RBFOX1: variants seen among roughly 807,000 people sequenced by gnomAD.
RBFOX1 encodes RNA binding fox-1 homolog 1.
A neutral mutation model predicts 57.7 loss-of-function variants in RBFOX1; 8 were observed. That is an observed-to-expected ratio of 0.14 (90% CI 0.08 to 0.25). The LOEUF (loss-of-function observed/expected upper bound fraction) is 0.25. RBFOX1 is among the 10% of genes least tolerant of loss of function. RBFOX1 has a pLI of 1.00. For synonymous variants in RBFOX1, 326 were observed against 222.4 expected (o/e 1.47, Z -4.15); for missense variants, 611 against 548.5 (o/e 1.11, Z -1.14).
chr16:7,213,575 C>G (rs756854467), intron 4 of RBFOX1, among the ~76,000 whole-genome samples: 5 of 151,074 alleles, frequency 3.3e-5, no homozygotes, highest in South Asian at 2.1e-4. Flanking sequence ...AAAACACAAA[C>G]AAGGTGGGAA....
intron 3 of RBFOX1, among the ~76,000 whole-genome samples, chr16:6,805,007 T>G (rs1467477650): frequency 6.6e-6 from 1 of 152,202 alleles, no homozygotes; most frequent in Non-Finnish European, 1.5e-5. Context: ...ATCTGAAAAC[T>G]GAATACCATT....
intron 3 of RBFOX1, among the ~76,000 whole-genome samples, chr16:5,633,949 C>T (rs1347101417): frequency 2.0e-5 from 3 of 152,134 alleles, no homozygotes; most frequent in South Asian, 2.1e-4. Flanking sequence ...CTCAACATCC[C>T]TAATTATCAC....
intron 2 of RBFOX1, among the ~76,000 whole-genome samples, chr16:6,337,458 G>A (rs550562966): frequency 6.6e-6 from 1 of 152,188 alleles, no homozygotes; most frequent in African/African-American, 2.4e-5. Flanking sequence ...ACGAGAATAC[G>A]AATATATGTT....
intron 3 of RBFOX1, among the ~76,000 whole-genome samples, chr16:6,839,244 CA>C (rs2093323034): frequency 6.6e-6 from 1 of 152,138 alleles, no homozygotes; most frequent in African/African-American, 2.4e-5. Flanking sequence ...CTCAGCCCCC[CA>C]AAGTGCTGGG....
At chr16:6,637,354 AT>A (rs371322377) in intron 2 of RBFOX1, among the ~76,000 whole-genome samples, 1 of 53,684 alleles carries the variant, frequency 1.9e-5, no homozygotes, top group Admixed American at 3.0e-4. Context: ...TATATTATAT[AT>A]TAAATATATA....
intron 1 of RBFOX1, among the ~76,000 whole-genome samples, chr16:5,289,981 C>G (rs1196682863): frequency 6.6e-6 from 1 of 152,226 alleles, no homozygotes; most frequent in Non-Finnish European, 1.5e-5. Context: ...AAATGCTTGT[C>G]TACTGATGAG....
chr16:6,155,555 C>T (rs930927802), intron 1 of RBFOX1, among the ~76,000 whole-genome samples: 1 of 152,198 alleles, frequency 6.6e-6, no homozygotes, highest in Non-Finnish European at 1.5e-5. Flanking sequence ...AAATGTCCCA[C>T]ATCGATAGTG....
chr16:6,780,410 T>TTTTATATATTTA (rs2080720379), intron 3 of RBFOX1, among the ~76,000 whole-genome samples: 1 of 79,202 alleles, frequency 1.3e-5, no homozygotes, highest in Non-Finnish European at 2.0e-5. Context: ...TTATATATAT[T>TTTTATATATTTA]TATATATATT....
At position 7,189,554 on chromosome 16, in the gene RBFOX1, A is replaced by AACACACAC. The variant is rs779531861; in HGVS notation, c.27+137482_27+137489dup. ...CACTCCAAAACACTATGTCCCCCAAAACACACACACACACACACACACACA... is the reference window on the plus strand; with the variant it reads ...CACTCCAAAACACTATGTCCCCCAAAACACACACACACACACACACACACACACACACA... On this transcript the variant is annotated intron_variant, in intron 4 of 15. Transcript: ENST00000550418. Among the ~76,000 whole-genome samples the AACACACAC allele has an allele frequency of 2.4e-3, 328 of 135,870 alleles. 3 individuals are homozygous for AACACACAC. Among genetic ancestry groups the AACACACAC allele is most frequent in the African/African-American group, 7.8e-3 (267 of 34,050 alleles). 89.1% of individuals were successfully genotyped at this position (135,870 alleles called of 152,430 possible). A position where few individuals can be genotyped will look rare whatever the true frequency, so the allele number is the denominator to read the frequency against.
intron 3 of RBFOX1, among the ~76,000 whole-genome samples, chr16:6,737,199 A>G (rs2070632948): frequency 6.6e-6 from 1 of 152,194 alleles, no homozygotes; most frequent in Non-Finnish European, 1.5e-5. Flanking sequence ...GCTATAGGTC[A>G]AGCAAAAAAT....
At chr16:7,454,541 G>A (rs1464623457) in intron 4 of RBFOX1, among the ~76,000 whole-genome samples, 4 of 152,162 alleles carry the variant, frequency 2.6e-5, no homozygotes, top group Non-Finnish European at 5.9e-5. Context: ...ATGTGAGAAA[G>A]TGTAAACTGA....
chr16:6,435,906 C>T (rs1382926913), intron 2 of RBFOX1, among the ~76,000 whole-genome samples: 8 of 152,158 alleles, frequency 5.3e-5, no homozygotes, highest in Admixed American at 2.0e-4. Flanking sequence ...GTGACACACA[C>T]CATGACTTCT....
intron 4 of RBFOX1, among the ~76,000 whole-genome samples, chr16:5,994,235 C>A (rs951596705): frequency 2.6e-5 from 4 of 152,226 alleles, no homozygotes; most frequent in African/African-American, 7.2e-5. Context: ...AATCTTGGCT[C>A]ACTGCAACCT....
intron 4 of RBFOX1, among the ~76,000 whole-genome samples, chr16:7,369,377 T>C (rs2097527347): frequency 6.6e-6 from 1 of 152,074 alleles, no homozygotes. Flanking sequence ...AGACAGATGG[T>C]GTCCCGCAGA....
intron 1 of RBFOX1, among the ~76,000 whole-genome samples, chr16:6,181,327 C>G (rs1298044286): frequency 6.6e-6 from 1 of 152,200 alleles, no homozygotes; most frequent in African/African-American, 2.4e-5. Flanking sequence ...GGATGAAGCC[C>G]TCATCTAGAA....
chr16:5,679,698 C>T (rs922673795), intron 3 of RBFOX1, among the ~76,000 whole-genome samples: 3 of 152,134 alleles, frequency 2.0e-5, no homozygotes, highest in Non-Finnish European at 4.4e-5. Flanking sequence ...TGGTAATGAA[C>T]TTTTTAGTAT....
chr16:7,376,796 T>C (rs991524088), intron 4 of RBFOX1, among the ~76,000 whole-genome samples: 1 of 152,186 alleles, frequency 6.6e-6, no homozygotes, highest in African/African-American at 2.4e-5. Context: ...TCTTGGCTGA[T>C]GTCCCTTGCA....
At chr16:6,424,085 A>G (rs2093852536) in intron 2 of RBFOX1, among the ~76,000 whole-genome samples, 1 of 152,272 alleles carries the variant, frequency 6.6e-6, no homozygotes, top group East Asian at 1.9e-4. Context: ...TAAAAATAAC[A>G]AAAATCAGCC....
chr16:6,991,870 C>T (rs1196868557), intron 3 of RBFOX1, among the ~76,000 whole-genome samples: 2 of 152,178 alleles, frequency 1.3e-5, no homozygotes, highest in African/African-American at 4.8e-5. Flanking sequence ...GCATAGGAAT[C>T]ACTTCAGGGT....
Sources: gnomAD v4.1 joint callset for allele counts (sites outside exome capture counted in the v4.1 genomes callset) on GRCh38, gnomAD v4.1.1 for gene constraint, MANE v1.5 for transcripts, NCBI Gene and HGNC (gene_info 2026-07-23, HGNC 2026-07-21) for gene names.